Variants in AUTS2 observed in about 807,000 individuals in gnomAD.
The protein encoded by AUTS2 is autism susceptibility gene 2 protein.
In AUTS2, 17 loss-of-function variants were observed where a neutral mutation model predicts 112.4. That is an observed-to-expected ratio of 0.15 (90% CI 0.10 to 0.23). The LOEUF (loss-of-function observed/expected upper bound fraction) is 0.23, where lower values mean the gene tolerates loss of function less well. Among genes scored for constraint, AUTS2 ranks in the 10% least tolerant of loss-of-function variants. AUTS2 has a pLI of 1.00. For missense variants in AUTS2, 1,510 were observed against 1,701.6 expected (o/e 0.89, Z 1.98); for synonymous variants, 751 against 702.7 (o/e 1.07, Z -1.09).
chr7:69,753,387 A>T (rs1341321427), intron 1 of AUTS2, among the ~76,000 whole-genome samples: 1 of 151,758 alleles, frequency 6.6e-6, no homozygotes, highest in Admixed American at 6.6e-5. Flanking sequence ...AGGGAAAGGC[A>T]TGAGAAAAAT....
chr7:69,899,637 C>T (rs573384010), intron 2 of AUTS2, 139 bp downstream of exon 2: 365 of 767,826 alleles, frequency 4.8e-4, no homozygotes, highest in African/African-American at 1.2e-3. Flanking sequence ...AAGCTGTGTG[C>T]GTGCCTTTAA....
At position 70,790,205 on chromosome 7, in the gene AUTS2, C is replaced by T; in HGVS notation, c.2989C>T (p.Pro997Ser). Reference protein sequence around the residue: ...KEDHDLPPEAPQTHRASEPPP... With the variant: ...KEDHDLPPEASQTHRASEPPP... The stretch of plus-strand genomic sequence containing the variant: ...AGACCATGACCTGCCTCCAGAGGCC[C>T]CGCAGACCCACCGGGCCTCGGAGCC... The change falls in exon 19 of 19, where the codon CCG (proline) becomes TCG (serine). Residue 997 changes from proline to serine, a missense_variant. Physicochemically the swap from Pro to Ser is moderately conservative, Grantham distance 74. This residue lies in a region of AUTS2 where 788 missense variants were observed against 797.6 expected (regional missense o/e 0.99). Coordinates refer to ENST00000342771, the MANE Select transcript of AUTS2 (RefSeq NM_015570.4). The surrounding 1 kb of genome is among the most constrained non-coding windows in gnomAD (Gnocchi z 7.6). 1 of 1,612,620 alleles carries T rather than the reference C, an allele frequency of 6.2e-7. No individual in the cohort carries two copies. Among genetic ancestry groups the T allele is most frequent in the Non-Finnish European group, 8.5e-7 (1 of 1,179,758 alleles).
In AUTS2 at chr7:70,763,106, C is replaced by T. The variant is rs141599415; in HGVS notation, c.979C>T (p.Arg327Cys). The change falls in exon 7 of 19, where the codon CGC becomes TGC. Residue 327 changes from arginine (R) to cysteine (C), a missense_variant. Transcript: ENST00000342771. Reference protein sequence around the residue: ...APSPDPDLVQRTEAPPQPPPL... With the variant: ...APSPDPDLVQCTEAPPQPPPL... The stretch of plus-strand genomic sequence containing the variant: ...TTCTCCGGACCCTGACTTGGTGCAG[C>T]GCACAGAGGCCCCACCTCAACCCCC... 2.3e-4 allele frequency: 369 copies of T among 1,614,064 alleles called. 3 individuals carry two copies. In the East Asian group the frequency reaches 7.7e-3, roughly 34 times the overall value.
chr7:69,637,835 G>C (rs979199491), intron 1 of AUTS2, among the ~76,000 whole-genome samples: 5 of 152,186 alleles, frequency 3.3e-5, no homozygotes, highest in African/African-American at 1.2e-4. Context: ...CCTCGTGTAT[G>C]TGGTCTATCA....
Position 70,135,206 on chromosome 7 carries a change from A to C in AUTS2, c.660+635A>C, listed in dbSNP as rs112242182. ...CAATATTGTGATAATCATGAATATA[A>C]AATTCATTCTCAAACAGCAGTTGTC... On this transcript the variant is annotated intron_variant, in intron 4 of 18. Transcript: ENST00000342771. Among the ~76,000 whole-genome samples the C allele has an allele frequency of 1.6e-3, 251 of 152,288 alleles. 6 individuals carry two copies. The highest frequency in any genetic ancestry group is 5.7e-3 in the African/African-American group (237 of 41,568).
intron 2 of AUTS2, among the ~76,000 whole-genome samples, chr7:70,009,447 A>C (rs1055108042): frequency 6.6e-6 from 1 of 152,204 alleles, no homozygotes; most frequent in Non-Finnish European, 1.5e-5. Flanking sequence ...CCCCGAAAAG[A>C]CTACAAATAA....
chr7:70,703,490 C>CAAAAA (rs57223380), intron 6 of AUTS2, among the ~76,000 whole-genome samples: 1 of 98,620 alleles, frequency 1.0e-5, no homozygotes, highest in Non-Finnish European at 1.9e-5. Flanking sequence ...GACACCATTT[C>CAAAAA]AAAAAAAAAA....
chr7:70,278,114 A>ATT (rs891821532), intron 4 of AUTS2, among the ~76,000 whole-genome samples: 5 of 152,148 alleles, frequency 3.3e-5, no homozygotes, highest in African/African-American at 1.2e-4. Flanking sequence ...ACCTGTGCAC[A>ATT]TTACAGACGT....
intron 1 of AUTS2, among the ~76,000 whole-genome samples, chr7:69,729,977 TTG>T (rs1263825365): frequency 3.6e-5 from 5 of 140,316 alleles, no homozygotes; most frequent in Non-Finnish European, 6.4e-5. Context: ...ATGTTTTTTT[TTG>T]TTGTTGTTGT....
intron 2 of AUTS2, among the ~76,000 whole-genome samples, chr7:69,940,785 A>G (rs1216445802): frequency 6.6e-6 from 1 of 152,180 alleles, no homozygotes; most frequent in Non-Finnish European, 1.5e-5. Flanking sequence ...GGACCAAGGT[A>G]GTAGAGGTAA....
intron 4 of AUTS2, among the ~76,000 whole-genome samples, chr7:70,147,615 T>C (rs1029173368): frequency 2.6e-5 from 4 of 152,142 alleles, no homozygotes; most frequent in Admixed American, 2.0e-4. Context: ...AAAAATAGTC[T>C]TAAAGGAAGG....
intron 1 of AUTS2, among the ~76,000 whole-genome samples, chr7:69,761,051 A>G (rs1251891805): frequency 6.6e-6 from 1 of 152,182 alleles, no homozygotes; most frequent in Non-Finnish European, 1.5e-5. Context: ...ATGGCCAACC[A>G]CTGATACAAT....
chr7:70,085,957 A>G (rs532288637), intron 2 of AUTS2, among the ~76,000 whole-genome samples: 1 of 152,328 alleles, frequency 6.6e-6, no homozygotes, highest in Admixed American at 6.5e-5. Context: ...GTGACAGAAA[A>G]CATGTGTACT....
At chr7:70,558,923 A>G (rs1302672925) in intron 5 of AUTS2, among the ~76,000 whole-genome samples, 1 of 152,210 alleles carries the variant, frequency 6.6e-6, no homozygotes, top group Non-Finnish European at 1.5e-5. Flanking sequence ...AGGCCATGCC[A>G]TCTGATAGGC....
intron 1 of AUTS2, among the ~76,000 whole-genome samples, chr7:69,617,983 G>A (rs982524637): frequency 7.9e-5 from 12 of 152,132 alleles, no homozygotes; most frequent in African/African-American, 2.4e-4. Context: ...GATGTTTGTT[G>A]TACCCAGAGC....
chr7:70,456,009 A>T (rs1022287907), intron 5 of AUTS2, among the ~76,000 whole-genome samples: 1 of 152,170 alleles, frequency 6.6e-6, no homozygotes, highest in Non-Finnish European at 1.5e-5. Context: ...CAGTATCCTC[A>T]GCTTTAAAGC....
chr7:70,570,346 C>T (rs1801887146), intron 5 of AUTS2, among the ~76,000 whole-genome samples: 1 of 152,136 alleles, frequency 6.6e-6, no homozygotes, highest in South Asian at 2.1e-4. Flanking sequence ...ATTCTAAAGC[C>T]AGGCATTATT....
chr7:70,219,521 G>T, intron 4 of AUTS2, among the ~76,000 whole-genome samples: 1 of 150,376 alleles, frequency 6.6e-6, no homozygotes, highest in Non-Finnish European at 1.5e-5. Context: ...TATAACATTT[G>T]TTTTGAGATC....
intron 4 of AUTS2, among the ~76,000 whole-genome samples, chr7:70,212,284 C>G (rs889041126): frequency 5.3e-5 from 8 of 152,214 alleles, no homozygotes; most frequent in African/African-American, 9.7e-5. Context: ...TGCTGCCTTG[C>G]GCTTTTTCCG....
Sources: allele counts gnomAD v4.1 joint callset (sites outside exome capture counted in the v4.1 genomes callset), GRCh38; gene constraint gnomAD v4.1.1; regional missense constraint gnomAD v4.1.1; non-coding constraint Gnocchi (gnomAD v3.1); transcripts MANE v1.5; gene names NCBI Gene and HGNC (gene_info 2026-07-23, HGNC 2026-07-21).